KCNC2: variants seen among roughly 807,000 people sequenced by gnomAD.
KCNC2 encodes voltage-gated potassium channel KCNC2.
In KCNC2, 21 loss-of-function variants were observed where a neutral mutation model predicts 44.5. That is an observed-to-expected ratio of 0.47 (90% CI 0.33 to 0.68). The LOEUF (loss-of-function observed/expected upper bound fraction) is 0.68, where lower values mean the gene tolerates loss of function less well. KCNC2 is among the 30% of genes least tolerant of loss of function. The pLI is 0.01. For synonymous variants in KCNC2, 391 were observed against 339.1 expected, an observed-to-expected ratio of 1.15 and a Z score of -1.68; for missense variants, 589 against 826.2, an observed-to-expected ratio of 0.71 and a Z score of 3.52.
intron 2 of KCNC2, among the ~76,000 whole-genome samples, chr12:75,100,103 T>C (rs553832884): frequency 2.4e-4 from 37 of 152,020 alleles, no homozygotes; most frequent in Admixed American, 5.2e-4. Context: ...TTCTTACTAT[T>C]GGGGTTCATC....
intron 2 of KCNC2, among the ~76,000 whole-genome samples, chr12:75,160,788 T>C (rs1349621544): frequency 6.6e-6 from 1 of 151,828 alleles, no homozygotes; most frequent in Non-Finnish European, 1.5e-5. Flanking sequence ...AATACAAGTA[T>C]TTAACATCTC....
chr12:75,102,054 T>C (rs1050926067), intron 2 of KCNC2, among the ~76,000 whole-genome samples: 7 of 152,126 alleles, frequency 4.6e-5, no homozygotes, highest in African/African-American at 1.7e-4. Flanking sequence ...TTTCTTTGCA[T>C]GCATTGCTCT....
chr12:75,086,875 G>T (rs1470065556), intron 2 of KCNC2, among the ~76,000 whole-genome samples: 1 of 151,710 alleles, frequency 6.6e-6, no homozygotes, highest in African/African-American at 2.4e-5. Flanking sequence ...TAGGAAACTG[G>T]AGTTGAATAG....
At chr12:75,087,816 T>G in intron 2 of KCNC2, among the ~76,000 whole-genome samples, 1 of 152,012 alleles carries the variant, frequency 6.6e-6, no homozygotes, top group South Asian at 2.1e-4. Flanking sequence ...ATCTGGAAAC[T>G]GATTCAAAGA....
At chr12:75,188,840 T>C (rs2029919640) in intron 2 of KCNC2, among the ~76,000 whole-genome samples, 1 of 150,720 alleles carries the variant, frequency 6.6e-6, no homozygotes, top group Non-Finnish European at 1.5e-5. Context: ...TGCAGCCTGG[T>C]GACAGAGTGA....
rs1883631904 is a variant in KCNC2, at chr12:75,073,634, A to G, written c.688-22317T>C. On this transcript the variant is annotated intron_variant, in intron 2 of 4. Transcript: ENST00000549446. ...AAGTTTAGGAGGCTGTGAATTATTC[A>G]TATAAACTATGTGCAATTAAGATAT... Among the ~76,000 whole-genome samples the G allele has an allele frequency of 2.0e-5, 3 of 152,222 alleles. No individual in the cohort carries two copies. In the South Asian group the frequency reaches 6.2e-4, roughly 31 times the overall value.
In KCNC2 at chr12:75,201,228, G is replaced by GA. The variant is rs199595009; in HGVS notation, c.687+6068dup. On this transcript the variant is annotated intron_variant, in intron 2 of 4. Coordinates refer to ENST00000549446, the MANE Select transcript of KCNC2 (RefSeq NM_139137.4). ...GCAGTAGCTACCCAACAGCTGTAGG[G>GA]AAAAAAAAGGGCAGAAAGTTACAAA... 8.4e-3 allele frequency among the ~76,000 whole-genome samples: 794 copies of GA among 94,186 alleles called. 9 individuals are homozygous for GA. The highest frequency in any genetic ancestry group is 0.027 in the African/African-American group (753 of 27,634). 61.8% of individuals were successfully genotyped at this position (94,186 alleles called of 152,430 possible). A position where few individuals can be genotyped will look rare whatever the true frequency, so the allele number is the denominator to read the frequency against.
chr12:75,063,574 A>G (rs11831878), intron 2 of KCNC2, among the ~76,000 whole-genome samples: 2,539 of 152,118 alleles, frequency 0.017, 71 homozygotes, highest in African/African-American at 0.056. Context: ...TGGTGTTAGC[A>G]GTGTGTTGAG....
At chr12:75,089,115 T>C (rs1448274089) in intron 2 of KCNC2, among the ~76,000 whole-genome samples, 2 of 151,910 alleles carry the variant, frequency 1.3e-5, no homozygotes, top group African/African-American at 4.8e-5. Flanking sequence ...TTTATGCTTA[T>C]ATATCAGAAT....
intron 2 of KCNC2, among the ~76,000 whole-genome samples, chr12:75,155,517 T>G (rs568980036): frequency 1.3e-5 from 2 of 151,858 alleles, no homozygotes; most frequent in African/African-American, 4.8e-5. Flanking sequence ...TTAATGCATA[T>G]TTCCTTAGAA....
At chr12:75,123,755 T>C (rs1204202045) in intron 2 of KCNC2, among the ~76,000 whole-genome samples, 3 of 152,140 alleles carry the variant, frequency 2.0e-5, no homozygotes, top group Non-Finnish European at 2.9e-5. Flanking sequence ...CCTGATTCTC[T>C]TAGGAACCCC....
At chr12:75,203,382 A>G (rs570538824) in intron 2 of KCNC2, among the ~76,000 whole-genome samples, 2 of 151,986 alleles carry the variant, frequency 1.3e-5, no homozygotes, top group African/African-American at 4.8e-5. Context: ...AATGCTGTAG[A>G]AGTAATCTAT....
At chr12:75,082,073 A>C (rs1294380352) in intron 2 of KCNC2, among the ~76,000 whole-genome samples, 19 of 152,028 alleles carry the variant, frequency 1.2e-4, no homozygotes, top group Non-Finnish European at 2.4e-4. Flanking sequence ...AAGAGGCACA[A>C]TAGTACGTAT....
chr12:75,145,833 C>A (rs1889984350), intron 2 of KCNC2, among the ~76,000 whole-genome samples: 1 of 151,892 alleles, frequency 6.6e-6, no homozygotes, highest in South Asian at 2.1e-4. Flanking sequence ...CTTTCATGTC[C>A]ATCTAGAATT....
intron 2 of KCNC2, among the ~76,000 whole-genome samples, chr12:75,121,146 G>A (rs542089411): frequency 3.3e-5 from 5 of 152,198 alleles, no homozygotes; most frequent in African/African-American, 1.2e-4. Flanking sequence ...CTAATGCTAC[G>A]AATATTCATG....
intron 2 of KCNC2, among the ~76,000 whole-genome samples, chr12:75,058,110 T>C (rs544992284): frequency 2.6e-5 from 4 of 152,114 alleles, no homozygotes; most frequent in Admixed American, 2.6e-4. Context: ...ATTATGAACA[T>C]ATAGTATCAT....
At chr12:75,146,780 AC>A (rs1214342627) in intron 2 of KCNC2, among the ~76,000 whole-genome samples, 1 of 152,162 alleles carries the variant, frequency 6.6e-6, no homozygotes, top group Non-Finnish European at 1.5e-5. Context: ...CCATTTCCTC[AC>A]ATCTTAGCAA....
intron 2 of KCNC2, among the ~76,000 whole-genome samples, chr12:75,140,561 T>G (rs2137400693): frequency 6.6e-6 from 1 of 152,290 alleles, no homozygotes; most frequent in Middle Eastern, 3.4e-3. Context: ...TAAATTTGAT[T>G]GATTTAAATT....
intron 2 of KCNC2, among the ~76,000 whole-genome samples, chr12:75,060,183 T>C (rs1459895958): frequency 2.6e-5 from 4 of 152,094 alleles, no homozygotes; most frequent in Non-Finnish European, 4.4e-5. Flanking sequence ...CATTTAGCAA[T>C]GAAACAACTT....
Sources: gnomAD v4.1 joint callset for allele counts (sites outside exome capture counted in the v4.1 genomes callset) on GRCh38, gnomAD v4.1.1 for gene constraint, MANE v1.5 for transcripts, NCBI Gene and HGNC (gene_info 2026-07-23, HGNC 2026-07-21) for gene names.